Variants in EIF4ENIF1 observed in about 807,000 individuals in gnomAD.
The protein encoded by EIF4ENIF1 is eukaryotic translation initiation factor 4E nuclear import factor 1, also known as eukaryotic translation initiation factor 4E transporter.
EIF4ENIF1 carries 23 observed loss-of-function variants against 110.5 expected under a neutral mutation model. The ratio of observed to expected loss-of-function variants is 0.21; its 90% CI spans 0.15 to 0.29. The LOEUF is 0.29. Among genes scored for constraint, EIF4ENIF1 ranks in the 10% least tolerant of loss-of-function variants. The pLI, the probability that EIF4ENIF1 is intolerant of heterozygous loss-of-function variation, is 1.00. For missense variants in EIF4ENIF1, 1,031 were observed against 1,221.1 expected (o/e 0.84, Z 2.32); for synonymous variants, 440 against 437.0 (o/e 1.01, Z -0.09).
chr22:31,450,266 C>T, intron 11 of EIF4ENIF1, 23 bp downstream of exon 11: 2 of 1,605,544 alleles, frequency 1.2e-6, no homozygotes, highest in Non-Finnish European at 1.7e-6. Flanking sequence ...ACTCCAAGGC[C>T]TCAGTATAAG....
intron 3 of EIF4ENIF1, 80 bp downstream of exon 3, chr22:31,471,764 T>C: frequency 7.8e-7 from 1 of 1,274,524 alleles, no homozygotes; most frequent in Non-Finnish European, 1.1e-6. Context: ...TTCAAAACAA[T>C]ACAATTCTTA....
At chr22:31,442,204 A>AG in intron 16 of EIF4ENIF1, 86 bp from the exon 17 acceptor site, 1 of 1,073,000 alleles carries the variant, frequency 9.3e-7, no homozygotes, top group Non-Finnish European at 1.4e-6. Context: ...CTCATTTCTT[A>AG]AGGTCACAAT....
intron 2 of EIF4ENIF1, among the ~76,000 whole-genome samples, chr22:31,479,028 CAT>C (rs1025252981): frequency 2.1e-5 from 3 of 140,244 alleles, no homozygotes; most frequent in Non-Finnish European, 4.8e-5. Flanking sequence ...TAGTGCCACA[CAT>C]AGACAGATGA....
intron 2 of EIF4ENIF1, among the ~76,000 whole-genome samples, chr22:31,473,427 G>A (rs5753637): frequency 1.3e-5 from 2 of 152,064 alleles, no homozygotes; most frequent in Non-Finnish European, 2.9e-5. Flanking sequence ...AATTGACCCA[G>A]TAATGTCCTT....
In EIF4ENIF1 at chr22:31,439,698, C is replaced by T. The variant is rs2050232499; in HGVS notation, c.*182G>A. On this transcript the variant is annotated 3_prime_UTR_variant, in exon 19 of 19. Transcript: ENST00000330125. ...GCATCCTGTATTCAGACAATGTACACTCCACTCGACTGGTTAAGATCCTTC... is the reference window on the plus strand; with the variant it reads ...GCATCCTGTATTCAGACAATGTACATTCCACTCGACTGGTTAAGATCCTTC... 1 of 779,014 alleles carries T rather than the reference C, an allele frequency of 1.3e-6. No individual in the cohort carries two copies. Among genetic ancestry groups the T allele is most frequent in the African/African-American group, 1.8e-5 (1 of 56,848 alleles). 48.3% of individuals were successfully genotyped at this position (779,014 alleles called of 1,614,324 possible).
chr22:31,463,486 GC>G (rs2051065123), intron 5 of EIF4ENIF1, among the ~76,000 whole-genome samples, 194 bp downstream of exon 5: 1 of 151,932 alleles, frequency 6.6e-6, no homozygotes. Context: ...TGAGAGACCA[GC>G]CTGACTAACA....
chr22:31,455,103 A>G, intron 9 of EIF4ENIF1, 33 bp downstream of exon 9: 1 of 1,551,982 alleles, frequency 6.4e-7, no homozygotes, highest in Non-Finnish European at 8.7e-7. Context: ...AGACCTTTTC[A>G]GATATCTAAA....
At chr22:31,460,886 C>T (rs367595750) in intron 6 of EIF4ENIF1, among the ~76,000 whole-genome samples, 4 of 149,566 alleles carry the variant, frequency 2.7e-5, no homozygotes, top group African/African-American at 4.9e-5. Flanking sequence ...CGGAGTTTGC[C>T]GTGAGCTAAG....
Position 31,439,683 on chromosome 22 carries a change from T to G in EIF4ENIF1, c.*197A>C, listed in dbSNP as rs549974810. On this transcript the variant is annotated 3_prime_UTR_variant, in exon 19 of 19. Coordinates refer to ENST00000330125, the MANE Select transcript of EIF4ENIF1 (RefSeq NM_019843.4). The stretch of plus-strand genomic sequence containing the variant: ...GATTGACAACATTGTGCATCCTGTA[T>G]TCAGACAATGTACACTCCACTCGAC... 1.7e-4 allele frequency: 120 copies of G among 691,314 alleles called. No individual in the cohort carries two copies. The highest frequency in any genetic ancestry group is 1.7e-3 in the African/African-American group (95 of 55,248). 42.8% of individuals were successfully genotyped at this position (691,314 alleles called of 1,614,324 possible). A position where few individuals can be genotyped will look rare whatever the true frequency, so the allele number is the denominator to read the frequency against.
intron 11 of EIF4ENIF1, 98 bp from the exon 12 acceptor site, chr22:31,449,629 T>C (rs2050586943): frequency 1.8e-6 from 2 of 1,092,978 alleles, no homozygotes; most frequent in Admixed American, 5.2e-5. Flanking sequence ...AAGATGGATC[T>C]CCCTCATGCT....
At chr22:31,465,981 A>G (rs1373701617) in intron 4 of EIF4ENIF1, among the ~76,000 whole-genome samples, 1 of 152,262 alleles carries the variant, frequency 6.6e-6, no homozygotes, top group African/African-American at 2.4e-5. Flanking sequence ...AAGCAGATAC[A>G]GAAAGCAGAT....
intron 2 of EIF4ENIF1, among the ~76,000 whole-genome samples, chr22:31,478,935 C>G (rs548650218): frequency 6.8e-5 from 9 of 132,760 alleles, no homozygotes; most frequent in South Asian, 2.4e-4. Context: ...CTGGGTGACA[C>G]AGAGAGACTG....
At chr22:31,477,291 C>T (rs2051611909) in intron 2 of EIF4ENIF1, among the ~76,000 whole-genome samples, 1 of 132,328 alleles carries the variant, frequency 7.6e-6, no homozygotes, top group South Asian at 2.5e-4. Flanking sequence ...TGGTTGAATT[C>T]AGGAGGTGGA....
At chr22:31,441,684 A>C in intron 17 of EIF4ENIF1, 90 bp downstream of exon 17, 3 of 1,156,336 alleles carry the variant, frequency 2.6e-6, no homozygotes, top group Non-Finnish European at 3.6e-6. Flanking sequence ...CTAGGGATGG[A>C]AATCTCCCAC....
intron 6 of EIF4ENIF1, among the ~76,000 whole-genome samples, chr22:31,462,533 C>T (rs2051030820): frequency 6.6e-6 from 1 of 152,050 alleles, no homozygotes; most frequent in Non-Finnish European, 1.5e-5. Flanking sequence ...AAAAACTTGC[C>T]ATTTCCTATA....
At chr22:31,454,037 G>C (rs2050748481) in intron 10 of EIF4ENIF1, 107 bp downstream of exon 10, 2 of 1,009,836 alleles carry the variant, frequency 2.0e-6, no homozygotes, top group Non-Finnish European at 2.9e-6. Flanking sequence ...GACTACTAAA[G>C]AATTTCCAAC....
intron 6 of EIF4ENIF1, among the ~76,000 whole-genome samples, chr22:31,458,885 C>T (rs1195010279): frequency 6.6e-6 from 1 of 151,582 alleles, no homozygotes; most frequent in African/African-American, 2.4e-5. Flanking sequence ...ATTATGGTTC[C>T]CTTCGTGGGA....
chr22:31,441,571 A>AG (rs2050299140), intron 17 of EIF4ENIF1, among the ~76,000 whole-genome samples: 1 of 149,922 alleles, frequency 6.7e-6, no homozygotes, highest in Non-Finnish European at 1.5e-5. Context: ...AAAAAAAAAA[A>AG]AAGAATCTTC....
intron 16 of EIF4ENIF1, among the ~76,000 whole-genome samples, chr22:31,442,360 A>G (rs550151900): frequency 6.6e-6 from 1 of 152,326 alleles, no homozygotes; most frequent in African/African-American, 2.4e-5. Flanking sequence ...ATCACAACAG[A>G]AAATCTAAAT....
Sources: allele counts gnomAD v4.1 joint callset (sites outside exome capture counted in the v4.1 genomes callset), GRCh38; gene constraint gnomAD v4.1.1; transcripts MANE v1.5; gene names NCBI Gene and HGNC (gene_info 2026-07-23, HGNC 2026-07-21).